Variants in HTT observed in about 807,000 individuals in gnomAD.
HTT encodes the protein huntingtin, also known as huntington disease protein.
In HTT, 104 loss-of-function variants were observed where a neutral mutation model predicts 362.3. The ratio of observed to expected loss-of-function variants is 0.29; its 90% CI spans 0.24 to 0.34. HTT has a LOEUF of 0.34. HTT is among the 10% of genes least tolerant of loss of function. The pLI, the probability that HTT is intolerant of heterozygous loss-of-function variation, is 1.00. For missense variants in HTT, 3,301 were observed against 3,928.6 expected, an observed-to-expected ratio of 0.84 and a Z score of 4.27; for synonymous variants, 1,577 against 1,548.7, an observed-to-expected ratio of 1.02 and a Z score of -0.43.
intron 2 of HTT, among the ~76,000 whole-genome samples, chr4:3,097,424 G>C (rs1457465426): frequency 6.6e-6 from 1 of 152,126 alleles, no homozygotes; most frequent in African/African-American, 2.4e-5. Context: ...CTGAGGTCAG[G>C]AGTTTGGGAC....
chr4:3,084,051 A>T (rs951835078), intron 1 of HTT, among the ~76,000 whole-genome samples: 3 of 152,186 alleles, frequency 2.0e-5, no homozygotes, highest in Admixed American at 6.5e-5. Context: ...GCACAGTTTT[A>T]GGGATGGAGA....
chr4:3,200,609 C>T (rs187443918), intron 41 of HTT, among the ~76,000 whole-genome samples: 1 of 152,190 alleles, frequency 6.6e-6, no homozygotes, highest in Admixed American at 6.5e-5. Flanking sequence ...GTTCTGGAGA[C>T]AAAAGAGGGC....
intron 40 of HTT, among the ~76,000 whole-genome samples, chr4:3,196,692 C>T (rs1299606616): frequency 1.3e-5 from 2 of 151,282 alleles, no homozygotes; most frequent in South Asian, 2.1e-4. Context: ...GGGCTGTGAT[C>T]GTGCCACTGT....
intron 3 of HTT, among the ~76,000 whole-genome samples, chr4:3,103,301 T>A (rs951569370): frequency 6.8e-6 from 1 of 146,436 alleles, no homozygotes; most frequent in African/African-American, 2.6e-5. Context: ...CTTGGCTCAC[T>A]GCAACCTCCG....
chr4:3,238,151 T>A (rs1056450933), intron 64 of HTT, among the ~76,000 whole-genome samples: 8 of 150,478 alleles, frequency 5.3e-5, no homozygotes, highest in Admixed American at 6.6e-5. Context: ...TTCAAACTCC[T>A]CTTAGGAGTT....
Position 3,228,760 on chromosome 4 carries a change from T to C in HTT, c.7979+15T>C. The C allele has an allele frequency of 6.4e-7, 1 of 1,568,736 alleles. No individual in the cohort carries two copies. Among genetic ancestry groups the C allele is most frequent in the Admixed American group, 1.9e-5 (1 of 53,644 alleles). ...GTCAACTCCAGGTTTTCCAATGGCC[T>C]TTTTCTTTTTAACAGAAATTTGAAA... On this transcript the variant is annotated intron_variant, in intron 58 of 66. Coordinates refer to ENST00000355072, the MANE Select transcript of HTT (RefSeq NM_001388492.1). This position sits in a 1 kb window ranked among gnomAD's most constrained non-coding sequence, Gnocchi z 4.3.
At chr4:3,203,208 G>A (rs984934130) in intron 41 of HTT, 1 of 152,352 alleles carries the variant, frequency 6.6e-6, no homozygotes, top group Admixed American at 6.5e-5. Flanking sequence ...TTTTTAAAAA[G>A]TTTAAATCTG....
intron 1 of HTT, among the ~76,000 whole-genome samples, chr4:3,077,149 G>C (rs112419694): frequency 1.6e-4 from 24 of 152,248 alleles, no homozygotes; most frequent in African/African-American, 5.1e-4. Context: ...CTGCACTCCA[G>C]CCTGGGTGAC....
intron 41 of HTT, among the ~76,000 whole-genome samples, chr4:3,202,112 C>T (rs987002968): frequency 5.9e-5 from 9 of 152,190 alleles, no homozygotes; most frequent in Non-Finnish European, 1.3e-4. Context: ...CTCAATCTGT[C>T]TTACCTCTTG....
In HTT at chr4:3,078,187, T is replaced by G. The variant is rs569074761; in HGVS notation, c.263+3099T>G. 5.9e-5 allele frequency among the ~76,000 whole-genome samples: 9 copies of G among 152,342 alleles called. No homozygotes were observed. In the South Asian group the frequency reaches 1.0e-3, roughly 18 times the overall value. On this transcript the variant is annotated intron_variant, in intron 1 of 66. Coordinates refer to ENST00000355072, the MANE Select transcript of HTT (RefSeq NM_001388492.1). ...AATACTTGCTTCTGGCAGTTTCTTA[T>G]TCTCCTTCAGATTCCTATCTGGTGT...
intron 52 of HTT, 48 bp from the exon 53 acceptor site, chr4:3,220,134 C>T: frequency 6.2e-7 from 1 of 1,610,326 alleles, no homozygotes. Context: ...CACAGTATGT[C>T]TGTCCTGACT....
At chr4:3,097,670 T>C (rs1713925033) in intron 2 of HTT, among the ~76,000 whole-genome samples, 1 of 152,140 alleles carries the variant, frequency 6.6e-6, no homozygotes, top group Admixed American at 6.5e-5. Context: ...TATGGTAATA[T>C]TATGAACAAC....
intron 1 of HTT, among the ~76,000 whole-genome samples, chr4:3,081,048 A>G (rs1041878283): frequency 6.6e-5 from 10 of 152,196 alleles, no homozygotes; most frequent in African/African-American, 2.4e-4. Context: ...TTCCTTTTCA[A>G]GATTGATTTG....
intron 29 of HTT, among the ~76,000 whole-genome samples, chr4:3,171,599 T>C (rs1717979373): frequency 6.6e-6 from 1 of 151,878 alleles, no homozygotes; most frequent in Non-Finnish European, 1.5e-5. Context: ...TGCCTCAGCC[T>C]CTCAAGTAGC....
At chr4:3,187,289 G>A (rs1382023028) in intron 38 of HTT, among the ~76,000 whole-genome samples, 1 of 151,754 alleles carries the variant, frequency 6.6e-6, no homozygotes, top group Non-Finnish European at 1.5e-5. Flanking sequence ...CCGAGTAGCT[G>A]GGACTACAGG....
chr4:3,074,942 GCCA>G lies in HTT; in HGVS notation c.120_122del (p.Pro49del), dbSNP rs780629353. On this transcript the variant is annotated inframe_deletion, in exon 1 of 67. Coordinates refer to ENST00000355072, the MANE Select transcript of HTT (RefSeq NM_001388492.1). ...AGCAGCAGCAGCAGCAGCAACAGCC[GCCA>G]CCGCCGCCGCCGCCGCCGCCGCCTC... 7.3e-5 allele frequency: 108 copies of G among 1,486,252 alleles called. No homozygotes were observed. The highest frequency in any genetic ancestry group is 3.6e-4 in the Admixed American group (17 of 47,508). 92.1% of individuals were successfully genotyped at this position (1,486,252 alleles called of 1,614,324 possible).
At chr4:3,169,022 C>CTTTT (rs761540640) in intron 29 of HTT, among the ~76,000 whole-genome samples, 24 of 141,128 alleles carry the variant, frequency 1.7e-4, no homozygotes, top group African/African-American at 2.9e-4. Flanking sequence ...TTCTTTCTTT[C>CTTTT]TTTTTTTTTT....
In HTT at chr4:3,136,259, G is replaced by T. The variant is rs575417138; in HGVS notation, c.2731G>T (p.Val911Phe). ...ACTGCAAGAACGAGTGCTCAATAATGTTGTCATCCATTTGCTTGGAGATGA... is the reference window on the plus strand; with the variant it reads ...ACTGCAAGAACGAGTGCTCAATAATTTTGTCATCCATTTGCTTGGAGATGA... ...LKLQERVLNN[V>F]VIHLLGDEDP... Residue 911 changes from valine to phenylalanine, a missense_variant, in exon 21 of 67, where the codon GTT becomes TTT. Coordinates refer to ENST00000355072, the MANE Select transcript of HTT (RefSeq NM_001388492.1). The T allele has an allele frequency of 1.2e-6, 2 of 1,612,052 alleles. No individual in the cohort carries two copies. Among genetic ancestry groups the T allele is most frequent in the African/African-American group, 1.3e-5 (1 of 74,936 alleles).
intron 8 of HTT, among the ~76,000 whole-genome samples, chr4:3,117,941 C>T (rs1031601950): frequency 9.9e-5 from 15 of 152,218 alleles, no homozygotes; most frequent in Non-Finnish European, 1.9e-4. Flanking sequence ...CAATTTTTCT[C>T]TCTACTCTTT....
Sources: allele counts gnomAD v4.1 joint callset (sites outside exome capture counted in the v4.1 genomes callset), GRCh38; gene constraint gnomAD v4.1.1; non-coding constraint Gnocchi (gnomAD v3.1); transcripts MANE v1.5; gene names NCBI Gene and HGNC (gene_info 2026-07-23, HGNC 2026-07-21).